ARIH1: variants seen among roughly 807,000 people sequenced by gnomAD.
ARIH1 encodes the protein ariadne RBR E3 ubiquitin protein ligase 1.
Under a neutral mutation model 85.0 loss-of-function variants are expected in ARIH1, and 8 were observed. That is an observed-to-expected ratio of 0.09 (90% CI 0.06 to 0.17). The LOEUF is 0.17. ARIH1 is among the 10% of genes least tolerant of loss of function. ARIH1 has a pLI of 1.00. For synonymous variants in ARIH1, 238 were observed against 253.6 expected (o/e 0.94, Z 0.59); for missense variants, 311 against 718.1 (o/e 0.43, Z 6.48).
intron 1 of ARIH1, among the ~76,000 whole-genome samples, chr15:72,486,386 A>G (rs1595849214): frequency 3.9e-5 from 6 of 152,150 alleles, no homozygotes; most frequent in Admixed American, 3.9e-4. Flanking sequence ...CCTACCTGCT[A>G]CTGGCCTCGG....
chr15:72,476,120 C>T (rs894796220), intron 1 of ARIH1, among the ~76,000 whole-genome samples: 12 of 152,130 alleles, frequency 7.9e-5, no homozygotes, highest in African/African-American at 2.9e-4. Context: ...AATTGGTTGG[C>T]TAAATATTCA....
chr15:72,506,351 C>CAAAAAAAAAAAAG (rs2063924939), intron 1 of ARIH1, among the ~76,000 whole-genome samples: 1 of 73,064 alleles, frequency 1.4e-5, no homozygotes, highest in South Asian at 6.8e-4. Flanking sequence ...CTCCGTCTCA[C>CAAAAAAAAAAAAG]AAAAAAAAAA....
At position 72,474,463 on chromosome 15, in the gene ARIH1, C is replaced by T. The variant is rs1471775850; in HGVS notation, c.-177C>T. The T allele has an allele frequency of 3.6e-6, 3 of 830,176 alleles. No homozygotes were observed. The highest frequency in any genetic ancestry group is 1.7e-5 in the South Asian group (1 of 57,238). 51.4% of individuals were successfully genotyped at this position (830,176 alleles called of 1,614,324 possible). A position where few individuals can be genotyped will look rare whatever the true frequency, so the allele number is the denominator to read the frequency against. On this transcript the variant is annotated 5_prime_UTR_variant, in exon 1 of 14. Coordinates refer to ENST00000379887, the MANE Select transcript of ARIH1 (RefSeq NM_005744.5). ...CTCCCTCCCTCCTCCGCGCCCTCCCCGCCGCCACCAGCCGTCAAACGCCAA... is the reference window on the plus strand; with the variant it reads ...CTCCCTCCCTCCTCCGCGCCCTCCCTGCCGCCACCAGCCGTCAAACGCCAA...
intron 1 of ARIH1, among the ~76,000 whole-genome samples, chr15:72,508,642 A>G (rs1268144466): frequency 1.3e-5 from 2 of 152,070 alleles, no homozygotes; most frequent in African/African-American, 4.8e-5. Flanking sequence ...AAATAATTTC[A>G]AATCTATGTT....
chr15:72,521,773 T>G (rs1033172510), intron 2 of ARIH1, among the ~76,000 whole-genome samples: 4 of 152,084 alleles, frequency 2.6e-5, no homozygotes, highest in African/African-American at 4.8e-5. Context: ...GGTCTCAAAC[T>G]CCTGACTTCA....
In ARIH1 at chr15:72,570,179, A is replaced by G; in HGVS notation, c.1029A>G (p.Glu343=). 6.2e-7 allele frequency: 1 copy of G among 1,613,956 alleles called. No homozygotes were observed. The highest frequency in any genetic ancestry group is 8.5e-7 in the Non-Finnish European group (1 of 1,179,886). The change falls in exon 10 of 14, where the codon GAA becomes GAG. Residue 343 remains glutamate (E), a splice_region_variant and synonymous_variant. Transcript: ENST00000379887. ...TSNWIAANTK[E]CPKCHVTIEK... is the part of the protein sequence containing the mutation. ...AACTTTATAGTTTCTCTTCATAGGA[A>G]TGTCCCAAATGCCATGTCACAATTG...
chr15:72,534,027 A>G (rs2064070042), intron 2 of ARIH1, among the ~76,000 whole-genome samples: 1 of 152,340 alleles, frequency 6.6e-6, no homozygotes, highest in East Asian at 1.9e-4. Context: ...ATATTGACAT[A>G]GTAACTATTC....
chr15:72,574,327 GTTGT>G (rs2064260633), intron 11 of ARIH1, among the ~76,000 whole-genome samples: 2 of 152,166 alleles, frequency 1.3e-5, no homozygotes, highest in Non-Finnish European at 2.9e-5. Flanking sequence ...CACTCCATTG[GTTGT>G]TTGGTTGATT....
At chr15:72,566,952 G>C (rs62015876) in intron 8 of ARIH1, among the ~76,000 whole-genome samples, 154 bp from the exon 9 acceptor site, 2,290 of 152,266 alleles carry the variant, frequency 0.015, 34 homozygotes, top group Non-Finnish European at 0.023. Context: ...GGACATTGTA[G>C]CTATGGGATT....
At chr15:72,521,724 T>G (rs946142675) in intron 2 of ARIH1, among the ~76,000 whole-genome samples, 5 of 152,012 alleles carry the variant, frequency 3.3e-5, no homozygotes, top group African/African-American at 1.2e-4. Flanking sequence ...AATTTTTGTA[T>G]TTTTAGTAGA....
intron 5 of ARIH1, among the ~76,000 whole-genome samples, chr15:72,560,399 AT>A (rs1327790594): frequency 6.6e-6 from 1 of 152,176 alleles, no homozygotes; most frequent in Non-Finnish European, 1.5e-5. Context: ...TCTAATATTT[AT>A]TGAGTGCTTA....
chr15:72,493,817 A>T (rs1304536899), intron 1 of ARIH1, among the ~76,000 whole-genome samples: 5 of 152,242 alleles, frequency 3.3e-5, no homozygotes, highest in East Asian at 1.9e-4. Flanking sequence ...GATTTTTTTT[A>T]AAAAGTTAAA....
intron 3 of ARIH1, among the ~76,000 whole-genome samples, chr15:72,545,305 T>C (rs2064123976): frequency 6.6e-6 from 1 of 152,232 alleles, no homozygotes; most frequent in African/African-American, 2.4e-5. Flanking sequence ...ATTTAAACTT[T>C]AAGTGTTTTT....
intron 2 of ARIH1, among the ~76,000 whole-genome samples, chr15:72,527,614 A>G (rs998859763): frequency 2.0e-5 from 3 of 152,012 alleles, no homozygotes; most frequent in African/African-American, 4.8e-5. Context: ...CAGCTTTGCA[A>G]TTGTGTTTTG....
At chr15:72,499,910 CT>C (rs1331110205) in intron 1 of ARIH1, among the ~76,000 whole-genome samples, 1 of 152,132 alleles carries the variant, frequency 6.6e-6, no homozygotes, top group African/African-American at 2.4e-5. Flanking sequence ...TCTCACAACA[CT>C]TTTTTCCCCC....
intron 10 of ARIH1, among the ~76,000 whole-genome samples, chr15:72,571,553 C>T (rs186921036): frequency 4.6e-5 from 7 of 152,224 alleles, no homozygotes; most frequent in African/African-American, 7.2e-5. Context: ...GTATATCATG[C>T]AGTTTTAAAT....
In ARIH1 at chr15:72,586,671, T is replaced by C. The variant is rs2064318287; in HGVS notation, c.*3379T>C. ...CCACTTAATATAAAATGTCAAAAAT[T>C]GGTTGTTTCTTTGCAGGGAACTGTG... On this transcript the variant is annotated 3_prime_UTR_variant, in exon 14 of 14. Coordinates refer to ENST00000379887, the MANE Select transcript of ARIH1 (RefSeq NM_005744.5). The C allele has an allele frequency of 6.6e-6, 1 of 152,418 alleles. No individual in the cohort carries two copies. The highest frequency in any genetic ancestry group is 1.5e-5 in the Non-Finnish European group (1 of 68,214). 9.4% of individuals were successfully genotyped at this position (152,418 alleles called of 1,614,324 possible).
chr15:72,538,606 C>G (rs567019663), intron 2 of ARIH1, among the ~76,000 whole-genome samples: 1 of 152,332 alleles, frequency 6.6e-6, no homozygotes, highest in East Asian at 1.9e-4. Context: ...TCCCTACCAG[C>G]CCCGTTTCCT....
At position 72,580,590 on chromosome 15, in the gene ARIH1, A is replaced by T. The variant is rs893604596; in HGVS notation, c.1216-141A>T. The T allele has an allele frequency of 6.0e-5, 47 of 779,168 alleles. No individual in the cohort carries two copies. The South Asian group carries it at 8.7e-4, about 14-fold the overall frequency. The allele number at this position is 779,168 out of a possible 1,614,324, so 48.3% of individuals were successfully genotyped here. A position where few individuals can be genotyped will look rare whatever the true frequency, so the allele number is the denominator to read the frequency against. ...TCTCCTTCTTTCTTTATCTTTGCCA[A>T]GACTTATCTTTCATCTTTTTGATAA... On this transcript the variant is annotated intron_variant, in intron 11 of 13. Transcript: ENST00000379887.
Sources: allele counts gnomAD v4.1 joint callset (sites outside exome capture counted in the v4.1 genomes callset), GRCh38; gene constraint gnomAD v4.1.1; transcripts MANE v1.5; gene names NCBI Gene and HGNC (gene_info 2026-07-23, HGNC 2026-07-21).